The following CPM variants were observed in gnomAD, a reference collection of about 807,000 sequenced individuals.
CPM encodes the protein carboxypeptidase M.
A neutral mutation model predicts 46.4 loss-of-function variants in CPM; 35 were observed. The observed-to-expected ratio is 0.75, with a 90% confidence interval of 0.58 to 1.00. The LOEUF is 1.00. Ranked by LOEUF, CPM falls within the 50% of genes least tolerant of loss-of-function variation. CPM has a pLI of 0.00. For synonymous variants in CPM, 195 were observed against 195.3 expected (o/e 1.00, Z 0.01); for missense variants, 422 against 530.4 (o/e 0.80, Z 2.01).
chr12:68,932,114 G>A (rs1888537518), intron 2 of CPM, among the ~76,000 whole-genome samples: 4 of 152,060 alleles, frequency 2.6e-5, no homozygotes, highest in African/African-American at 7.2e-5. Flanking sequence ...AAGCCATAGG[G>A]CTAATTATAC....
chr12:68,886,361 G>A (rs1011393133), intron 2 of CPM, among the ~76,000 whole-genome samples: 3 of 151,632 alleles, frequency 2.0e-5, no homozygotes, highest in South Asian at 2.1e-4. Flanking sequence ...GGCCAGGCAC[G>A]GTGGCTCACG....
chr12:68,879,193 T>TA (rs1010824762), intron 3 of CPM, among the ~76,000 whole-genome samples: 3 of 152,020 alleles, frequency 2.0e-5, no homozygotes, highest in African/African-American at 4.8e-5. Flanking sequence ...AACTCTAAAA[T>TA]AAAAAATAAT....
At chr12:68,891,014 C>A (rs1429120866) in intron 2 of CPM, among the ~76,000 whole-genome samples, 1 of 152,260 alleles carries the variant, frequency 6.6e-6, no homozygotes, top group Non-Finnish European at 1.5e-5. Flanking sequence ...TGTATCCTTA[C>A]AAGTCACCTC....
At chr12:68,865,603 A>AACACCCACAC (rs919825784) in intron 7 of CPM, among the ~76,000 whole-genome samples, 1 of 151,780 alleles carries the variant, frequency 6.6e-6, no homozygotes, top group East Asian at 1.9e-4. Flanking sequence ...AAACCTTTTC[A>AACACCCACAC]ACACCCACAC....
At chr12:68,889,287 A>C (rs1388470403) in intron 2 of CPM, among the ~76,000 whole-genome samples, 1 of 152,150 alleles carries the variant, frequency 6.6e-6, no homozygotes, top group Non-Finnish European at 1.5e-5. Context: ...CACCTTTTTA[A>C]ATGGCTGATT....
chr12:68,865,352 T>C (rs1297473611), intron 7 of CPM, among the ~76,000 whole-genome samples: 2 of 152,166 alleles, frequency 1.3e-5, no homozygotes, highest in African/African-American at 4.8e-5. Flanking sequence ...CAGTAATCTT[T>C]GTGTACTTCT....
Position 68,865,758 on chromosome 12 carries a change from C to T in CPM, c.940+1138G>A, listed in dbSNP as rs1232083728. On this transcript the variant is annotated intron_variant, in intron 7 of 8. Transcript: ENST00000551568. ...CTTCACCTCTGTAAATATAGAAGAG[C>T]CTTCCACACCTTGCCCAAAGAGACA... 6.6e-5 allele frequency among the ~76,000 whole-genome samples: 10 copies of T among 152,234 alleles called. No individual in the cohort carries two copies. In the South Asian group the frequency reaches 1.0e-3, roughly 16 times the overall value.
intron 2 of CPM, among the ~76,000 whole-genome samples, chr12:68,891,179 C>T (rs184769351): frequency 1.3e-5 from 2 of 152,386 alleles, no homozygotes; most frequent in East Asian, 3.9e-4. Flanking sequence ...ACATCAATTT[C>T]ACGTATGCAC....
At chr12:68,957,846 C>A (rs1343268408) in intron 1 of CPM, among the ~76,000 whole-genome samples, 1 of 146,712 alleles carries the variant, frequency 6.8e-6, no homozygotes, top group Admixed American at 6.9e-5. Context: ...CCCCCAGCCA[C>A]CCACCCCCTG....
chr12:68,887,400 C>G (rs1886479776), intron 2 of CPM, among the ~76,000 whole-genome samples: 1 of 152,148 alleles, frequency 6.6e-6, no homozygotes, highest in Non-Finnish European at 1.5e-5. Context: ...GACTGGGGAG[C>G]ATGCAGTTGC....
chr12:68,891,737 G>GT (rs369026572), intron 2 of CPM, among the ~76,000 whole-genome samples: 46 of 151,088 alleles, frequency 3.0e-4, no homozygotes, highest in African/African-American at 4.6e-4. Flanking sequence ...GTTTTTTTGG[G>GT]TTTTTTTTTG....
intron 2 of CPM, 69 bp downstream of exon 2, chr12:68,932,609 G>C: frequency 6.4e-7 from 1 of 1,563,752 alleles, no homozygotes; most frequent in South Asian, 1.1e-5. Flanking sequence ...CAGGAAGCTG[G>C]GGCATATTTA....
intron 2 of CPM, among the ~76,000 whole-genome samples, chr12:68,918,768 G>T (rs1887918469): frequency 1.3e-5 from 2 of 152,058 alleles, no homozygotes; most frequent in South Asian, 4.1e-4. Context: ...ATCAACATTT[G>T]CCAGGACTAC....
intron 2 of CPM, chr12:68,913,686 C>T (rs562939627): frequency 1.1e-5 from 4 of 348,704 alleles, no homozygotes; most frequent in African/African-American, 2.1e-5. Context: ...GGCACATCCT[C>T]GGTTTATTCT....
At chr12:68,941,333 G>A (rs1054147499) in intron 1 of CPM, among the ~76,000 whole-genome samples, 3 of 152,044 alleles carry the variant, frequency 2.0e-5, no homozygotes, top group South Asian at 4.1e-4. Flanking sequence ...GAAATAACTC[G>A]CCCAATAAGG....
chr12:68,907,314 G>T (rs928747636), intron 2 of CPM, among the ~76,000 whole-genome samples: 1 of 152,260 alleles, frequency 6.6e-6, no homozygotes, highest in African/African-American at 2.4e-5. Context: ...GTGATTCTGC[G>T]AACCTGGAGC....
chr12:68,899,234 T>A (rs1289744164), intron 2 of CPM, among the ~76,000 whole-genome samples: 2 of 152,150 alleles, frequency 1.3e-5, no homozygotes, highest in East Asian at 3.9e-4. Context: ...ACAAAAACTG[T>A]CACAAACATT....
intron 1 of CPM, among the ~76,000 whole-genome samples, chr12:68,954,664 T>C (rs1048820033): frequency 6.6e-6 from 1 of 152,178 alleles, no homozygotes; most frequent in Non-Finnish European, 1.5e-5. Flanking sequence ...TGCCCCAGAT[T>C]GACATATCTC....
chr12:68,929,970 A>G (rs1215074265), intron 2 of CPM, among the ~76,000 whole-genome samples: 2 of 152,226 alleles, frequency 1.3e-5, no homozygotes, highest in East Asian at 3.8e-4. Flanking sequence ...CAAAAACTAA[A>G]CATGTATTTA....
Sources: gnomAD v4.1 joint callset for allele counts (sites outside exome capture counted in the v4.1 genomes callset) on GRCh38, gnomAD v4.1.1 for gene constraint, MANE v1.5 for transcripts, NCBI Gene and HGNC (gene_info 2026-07-23, HGNC 2026-07-21) for gene names.